ADGRL2: variants seen among roughly 807,000 people sequenced by gnomAD.
The protein encoded by ADGRL2 is calcium-independent alpha-latrotoxin receptor 2.
Under a neutral mutation model 157.4 loss-of-function variants are expected in ADGRL2, and 44 were observed. That is an observed-to-expected ratio of 0.28 (90% CI 0.22 to 0.36). The LOEUF (loss-of-function observed/expected upper bound fraction) is 0.36. ADGRL2 is among the 10% of genes least tolerant of loss of function. The pLI is 1.00. For missense variants in ADGRL2, 1,510 were observed against 1,768.9 expected (o/e 0.85, Z 2.63); for synonymous variants, 585 against 624.7 (o/e 0.94, Z 0.95).
At chr1:81,640,358 G>A (rs1375856274) in intron 3 of ADGRL2, among the ~76,000 whole-genome samples, 1 of 152,064 alleles carries the variant, frequency 6.6e-6, no homozygotes. Flanking sequence ...TATAGGGCCG[G>A]GCGCGGTGGC....
At chr1:81,321,363 C>A (rs191482163) in intron 1 of ADGRL2, among the ~76,000 whole-genome samples, 4 of 152,156 alleles carry the variant, frequency 2.6e-5, no homozygotes, top group African/African-American at 9.7e-5. Context: ...AAAACATTTC[C>A]TTTGCATTCC....
chr1:81,629,329 T>C (rs999585813), intron 3 of ADGRL2, among the ~76,000 whole-genome samples: 2 of 152,148 alleles, frequency 1.3e-5, no homozygotes, highest in South Asian at 4.1e-4. Context: ...TGCCTGAAGG[T>C]ATTAACAAAA....
chr1:81,598,046 G>A (rs1334903102), intron 3 of ADGRL2, among the ~76,000 whole-genome samples: 1 of 152,188 alleles, frequency 6.6e-6, no homozygotes, highest in Non-Finnish European at 1.5e-5. Flanking sequence ...TCTGCCTCCA[G>A]AGGTAACAAC....
intron 12 of ADGRL2, 88 bp downstream of exon 12, chr1:81,966,271 C>A: frequency 4.5e-6 from 7 of 1,557,282 alleles, no homozygotes; most frequent in Admixed American, 3.7e-5. Flanking sequence ...CCTTATATAA[C>A]AAAAAAACGG....
At chr1:81,497,942 C>T (rs1468031974) in intron 2 of ADGRL2, among the ~76,000 whole-genome samples, 3 of 152,346 alleles carry the variant, frequency 2.0e-5, no homozygotes, top group South Asian at 2.1e-4. Flanking sequence ...TGCAGTGGCT[C>T]ATGCCTGTAA....
At position 81,502,034 on chromosome 1, in the gene ADGRL2, G is replaced by T; in HGVS notation, c.-248+56945G>T. Reference sequence around the variant, plus strand: ...AGCAGTGGCCCAAGTGTTTGAACGGGGCAACATGAACTCAGAGCCTGAGGA... The same window carrying T: ...AGCAGTGGCCCAAGTGTTTGAACGGTGCAACATGAACTCAGAGCCTGAGGA... On this transcript the variant is annotated intron_variant, in intron 2 of 24. Coordinates refer to the ADGRL2 transcript ENST00000370721. The T allele has an allele frequency of 1.9e-6, 3 of 1,603,522 alleles. No individual in the cohort carries two copies. In the East Asian group the frequency reaches 6.8e-5, roughly 36 times the overall value.
chr1:81,606,745 CGTGTGTGTGT>C (rs56718232), intron 3 of ADGRL2, among the ~76,000 whole-genome samples: 13 of 147,038 alleles, frequency 8.8e-5, no homozygotes, highest in South Asian at 2.2e-4. Context: ...AGAGGATCAA[CGTGTGTGTGT>C]GTGTGTGTGT....
At chr1:81,747,697 ATGTTTG>A (rs200878618) in intron 1 of ADGRL2, among the ~76,000 whole-genome samples, 1,633 of 100,016 alleles carry the variant, frequency 0.016, 39 homozygotes, top group African/African-American at 0.062. Context: ...TTTTCCTTTA[ATGTTTG>A]TGTGTGTGTG....
chr1:81,856,222 C>T (rs1445872873), intron 2 of ADGRL2, among the ~76,000 whole-genome samples: 1 of 144,686 alleles, frequency 6.9e-6, no homozygotes, highest in African/African-American at 2.5e-5. Flanking sequence ...ACTAGCTGTT[C>T]TTTCCCTCAA....
At chr1:81,980,904 A>C (rs894587409) in intron 18 of ADGRL2, 1 of 613,218 alleles carries the variant, frequency 1.6e-6, no homozygotes, top group Non-Finnish European at 3.1e-6. Context: ...ATTCGTCAGT[A>C]TCATGAATTG....
chr1:81,973,293 G>T (rs186849874), intron 17 of ADGRL2, among the ~76,000 whole-genome samples: 32 of 152,240 alleles, frequency 2.1e-4, no homozygotes, highest in Admixed American at 1.3e-4. Flanking sequence ...TAAATCTGAT[G>T]ATTGCCCAAG....
At chr1:81,842,078 T>G (rs2092604158) in intron 2 of ADGRL2, among the ~76,000 whole-genome samples, 1 of 152,078 alleles carries the variant, frequency 6.6e-6, no homozygotes, top group Non-Finnish European at 1.5e-5. Context: ...CTGATGGTGT[T>G]GCTCAGCATC....
chr1:81,978,878 C>G (rs552435082), intron 17 of ADGRL2, among the ~76,000 whole-genome samples: 1 of 151,582 alleles, frequency 6.6e-6, no homozygotes, highest in East Asian at 1.9e-4. Flanking sequence ...TATACTATTT[C>G]TGGTATTCTC....
At chr1:81,553,904 C>T (rs899513178) in intron 2 of ADGRL2, among the ~76,000 whole-genome samples, 6 of 152,286 alleles carry the variant, frequency 3.9e-5, no homozygotes, top group Admixed American at 3.3e-4. Flanking sequence ...TTGCAAAATG[C>T]AAATAGAACC....
intron 3 of ADGRL2, among the ~76,000 whole-genome samples, chr1:81,621,051 A>G (rs562821896): frequency 1.5e-3 from 235 of 152,222 alleles, no homozygotes; most frequent in African/African-American, 5.2e-3. Context: ...TTTTTCCCCC[A>G]TATCATGGTG....
intron 3 of ADGRL2, among the ~76,000 whole-genome samples, chr1:81,915,664 C>G (rs2094839215): frequency 6.6e-6 from 1 of 152,064 alleles, no homozygotes; most frequent in Non-Finnish European, 1.5e-5. Context: ...CAGATATAGG[C>G]TGGATAAGGG....
chr1:81,859,707 C>T (rs761879935), intron 2 of ADGRL2, among the ~76,000 whole-genome samples: 6 of 151,862 alleles, frequency 4.0e-5, no homozygotes, highest in Non-Finnish European at 7.4e-5. Flanking sequence ...CGTGCTTGGC[C>T]CTGAAATAAA....
intron 1 of ADGRL2, among the ~76,000 whole-genome samples, chr1:81,815,532 G>T (rs148015839): frequency 6.6e-6 from 1 of 151,850 alleles, no homozygotes; most frequent in African/African-American, 2.4e-5. Flanking sequence ...CATTCCAAAA[G>T]CACTTTTCTA....
At chr1:81,662,408 AC>A (rs1325528464) in intron 3 of ADGRL2, among the ~76,000 whole-genome samples, 3 of 151,884 alleles carry the variant, frequency 2.0e-5, no homozygotes, top group African/African-American at 7.3e-5. Context: ...GGTGCATGCC[AC>A]CATGTCCAGC....
Sources: gnomAD v4.1 joint callset for allele counts (sites outside exome capture counted in the v4.1 genomes callset) on GRCh38, gnomAD v4.1.1 for gene constraint, MANE v1.5 for transcripts, NCBI Gene and HGNC (gene_info 2026-07-23, HGNC 2026-07-21) for gene names.